CCDC134: variants seen among roughly 807,000 people sequenced by gnomAD.
CCDC134 encodes the protein coiled-coil domain-containing protein 134.
CCDC134 carries 27 observed loss-of-function variants against 25.6 expected under a neutral mutation model. The ratio of observed to expected loss-of-function variants is 1.05; its 90% CI spans 0.78 to 1.45. The LOEUF (loss-of-function observed/expected upper bound fraction) is 1.45. CCDC134 is among the 40% of genes most tolerant of loss of function. CCDC134 has a pLI of 0.00. For synonymous variants in CCDC134, 110 were observed against 115.0 expected, an observed-to-expected ratio of 0.96 and a Z score of 0.28; for missense variants, 261 against 286.7, an observed-to-expected ratio of 0.91 and a Z score of 0.65.
chr22:41,830,687 A>G lies in CCDC134; in HGVS notation c.*4864A>G, dbSNP rs943606312. Among the ~76,000 whole-genome samples, 1 of 152,194 alleles carries G rather than the reference A, an allele frequency of 6.6e-6. No homozygotes were observed. Among genetic ancestry groups the G allele is most frequent in the Non-Finnish European group, 1.5e-5 (1 of 68,042 alleles). On this transcript the variant is annotated 3_prime_UTR_variant, in exon 7 of 7. Transcript: ENST00000255784. ...AAAAATAAGACACTATCTATTTCTC[A>G]TTAGTTATACACGTTCATTATAAAA...
intron 6 of CCDC134, among the ~76,000 whole-genome samples, chr22:41,821,853 G>C (rs2076653765): frequency 6.6e-6 from 1 of 152,184 alleles, no homozygotes; most frequent in South Asian, 2.1e-4. Context: ...ATGGGTTGGT[G>C]GGTGTGGTGG....
rs1332211738 is a variant in CCDC134 at position 41,826,412 on chromosome 22, A to G, written c.*589A>G. The G allele has an allele frequency of 6.6e-6, 1 of 152,472 alleles. No individual in the cohort carries two copies. The highest frequency in any genetic ancestry group is 1.5e-5 in the Non-Finnish European group (1 of 68,234). 9.4% of individuals were successfully genotyped at this position (152,472 alleles called of 1,614,324 possible). On this transcript the variant is annotated 3_prime_UTR_variant, in exon 7 of 7. Coordinates refer to ENST00000255784, the MANE Select transcript of CCDC134 (RefSeq NM_024821.5). ...GCCCCAGGCCCTGGCAGGGCAGAGA[A>G]GGAAGGGGCTTGGCTTGGGCCTCCT...
intron 2 of CCDC134, among the ~76,000 whole-genome samples, chr22:41,809,367 C>T (rs1193242722): frequency 2.0e-5 from 3 of 152,174 alleles, no homozygotes; most frequent in African/African-American, 7.2e-5. Context: ...CAACAAGTCC[C>T]CTGGCTTTGA....
In CCDC134 at chr22:41,813,658, TCA is replaced by T; in HGVS notation, c.493-92_493-91del. On this transcript the variant is annotated intron_variant, in intron 5 of 6. Transcript: ENST00000255784. ...ATCATGTGGCCCACATCTGCCCAAGTCAGGAGTCTGGGTCCCAGCATGGAAGG... is the reference window on the plus strand; with the variant it reads ...ATCATGTGGCCCACATCTGCCCAAGTGGAGTCTGGGTCCCAGCATGGAAGG... The T allele has an allele frequency of 2.1e-6, 3 of 1,396,414 alleles. No homozygotes were observed. In the Admixed American group the frequency reaches 5.1e-5, roughly 24 times the overall value. The allele number at this position is 1,396,414 out of a possible 1,614,324, so 86.5% of individuals were successfully genotyped here.
At chr22:41,810,837 C>T (rs2076592471) in intron 4 of CCDC134, among the ~76,000 whole-genome samples, 1 of 152,080 alleles carries the variant, frequency 6.6e-6, no homozygotes, top group Admixed American at 6.6e-5. Context: ...GCGGACAGCT[C>T]TTATATATTA....
At chr22:41,821,560 G>A (rs1389618120) in intron 6 of CCDC134, among the ~76,000 whole-genome samples, 4 of 151,276 alleles carry the variant, frequency 2.6e-5, no homozygotes, top group Non-Finnish European at 5.9e-5. Flanking sequence ...GAGAACATGC[G>A]GTGTTTGGTT....
chr22:41,823,989 C>T (rs988285471), intron 6 of CCDC134, among the ~76,000 whole-genome samples: 4 of 152,210 alleles, frequency 2.6e-5, no homozygotes, highest in African/African-American at 9.7e-5. Flanking sequence ...ATTTCCTATT[C>T]TAACGTGGCT....
chr22:41,801,677 T>C (rs2076544272), intron 1 of CCDC134, among the ~76,000 whole-genome samples: 2 of 152,272 alleles, frequency 1.3e-5, no homozygotes, highest in Middle Eastern at 3.4e-3. Context: ...TCAACTCTTA[T>C]CCCTACTAGA....
intron 4 of CCDC134, among the ~76,000 whole-genome samples, chr22:41,810,625 A>G (rs1422255959): frequency 6.7e-6 from 1 of 148,882 alleles, no homozygotes; most frequent in African/African-American, 2.5e-5. Flanking sequence ...CCTCCCAAGT[A>G]GCTGGGACTA....
intron 1 of CCDC134, among the ~76,000 whole-genome samples, chr22:41,801,012 C>T (rs1339156484): frequency 6.6e-6 from 1 of 152,232 alleles, no homozygotes; most frequent in African/African-American, 2.4e-5. Context: ...TTCAGAGCCT[C>T]ATGCTGAGCC....
At chr22:41,803,916 G>A (rs1402215884) in intron 1 of CCDC134, among the ~76,000 whole-genome samples, 1 of 152,118 alleles carries the variant, frequency 6.6e-6, no homozygotes, top group African/African-American at 2.4e-5. Flanking sequence ...CGGATCACGA[G>A]GGCAGGAGAT....
intron 1 of CCDC134, among the ~76,000 whole-genome samples, chr22:41,804,289 G>A (rs1035207233): frequency 6.6e-6 from 1 of 152,182 alleles, no homozygotes; most frequent in Non-Finnish European, 1.5e-5. Flanking sequence ...TGAACTTCCT[G>A]TGTGACCCAT....
chr22:41,813,968 T>C (rs1274175299), intron 6 of CCDC134, 146 bp downstream of exon 6: 2 of 660,900 alleles, frequency 3.0e-6, no homozygotes, highest in Non-Finnish European at 2.6e-6. Context: ...CACTGACTCA[T>C]TGGAGCCTGT....
At position 41,825,817 on chromosome 22, in the gene CCDC134, G is replaced by A. The variant is rs1229272676; in HGVS notation, c.684G>A (p.Glu228=). Reference sequence around the variant, plus strand: ...CAAGGATCTCCAGATCCCAGTCTGAGTTATAGCCCTGGAGCAGCTCAGGGC... The same window carrying A: ...CAAGGATCTCCAGATCCCAGTCTGAATTATAGCCCTGGAGCAGCTCAGGGC... ...KGPRISRSQS[E]L The change falls in exon 7 of 7, where the codon GAG becomes GAA. Residue 228 remains glutamate (E), a synonymous_variant. Transcript: ENST00000255784. This position sits in a 1 kb window ranked among gnomAD's most constrained non-coding sequence, Gnocchi z 4.4. 1 of 1,614,154 alleles carries A rather than the reference G, an allele frequency of 6.2e-7. No homozygotes were observed. Among genetic ancestry groups the A allele is most frequent in the South Asian group, 1.1e-5 (1 of 91,090 alleles).
At chr22:41,810,489 CTTTTTTTTTTTTTT>C (rs960666358) in intron 4 of CCDC134, among the ~76,000 whole-genome samples, 198 bp downstream of exon 4, 4 of 86,636 alleles carry the variant, frequency 4.6e-5, no homozygotes, top group East Asian at 7.0e-4. Context: ...AATAGCATTT[CTTTTTTTTTTTTTT>C]TTTTTTTTTT....
chr22:41,825,902 G>C lies in CCDC134; in HGVS notation c.*79G>C, dbSNP rs2076675621. 1 of 1,578,182 alleles carries C rather than the reference G, an allele frequency of 6.3e-7. No individual in the cohort carries two copies. ...AAGAGGTGGAGGTGTGGTTGTGGTG[G>C]AGAGCACCAGCTAGCCCCTTCCAGA... On this transcript the variant is annotated 3_prime_UTR_variant, in exon 7 of 7. Coordinates refer to ENST00000255784, the MANE Select transcript of CCDC134 (RefSeq NM_024821.5). This position sits in a 1 kb window ranked among gnomAD's most constrained non-coding sequence, Gnocchi z 4.4.
intron 6 of CCDC134, among the ~76,000 whole-genome samples, chr22:41,815,275 G>A (rs550809557): frequency 1.4e-5 from 2 of 145,054 alleles, no homozygotes; most frequent in Admixed American, 7.2e-5. Flanking sequence ...GCGCGATCTC[G>A]GCTCACTGCA....
At chr22:41,810,156 A>G (rs1414029700) in intron 3 of CCDC134, 51 bp from the exon 4 acceptor site, 1 of 1,599,756 alleles carries the variant, frequency 6.3e-7, no homozygotes, top group Non-Finnish European at 8.6e-7. Context: ...GGATGGGAGC[A>G]GTCTGTGATG....
intron 1 of CCDC134, 79 bp from the exon 2 acceptor site, chr22:41,808,796 C>A: frequency 8.9e-7 from 1 of 1,129,004 alleles, no homozygotes; most frequent in Non-Finnish European, 1.3e-6. Context: ...TCGGGGGAAG[C>A]TGCTGTTCAC....
Sources: allele counts gnomAD v4.1 joint callset (sites outside exome capture counted in the v4.1 genomes callset), GRCh38; gene constraint gnomAD v4.1.1; non-coding constraint Gnocchi (gnomAD v3.1); transcripts MANE v1.5; gene names NCBI Gene and HGNC (gene_info 2026-07-23, HGNC 2026-07-21).